The following CEP126 variants were observed in gnomAD, a reference collection of about 807,000 sequenced individuals.
CEP126 encodes centrosomal protein of 126 kDa.
CEP126 carries 74 observed loss-of-function variants against 107.8 expected under a neutral mutation model. The ratio of observed to expected loss-of-function variants is 0.69; its 90% CI spans 0.57 to 0.83. CEP126 has a LOEUF of 0.83. CEP126 is among the 40% of genes least tolerant of loss of function. CEP126 has a pLI of 0.00. For missense variants in CEP126, 1,237 were observed against 1,281.9 expected (o/e 0.96, Z 0.53); for synonymous variants, 449 against 446.0 (o/e 1.01, Z -0.08).
chr11:101,959,059 A>G (rs1248384594), intron 5 of CEP126, among the ~76,000 whole-genome samples: 2 of 152,230 alleles, frequency 1.3e-5, no homozygotes, highest in Admixed American at 6.5e-5. Context: ...TAGGCTTTCT[A>G]CGTAGTTATG....
intron 1 of CEP126, chr11:101,916,522 C>T (rs1012933571): frequency 3.3e-5 from 5 of 152,256 alleles, no homozygotes; most frequent in Non-Finnish European, 5.9e-5. Context: ...TTCCTCTCAT[C>T]TATTCATTAT....
Position 101,947,412 on chromosome 11 carries a change from G to A in CEP126, c.395-619G>A, listed in dbSNP as rs145458495. On this transcript the variant is annotated intron_variant, in intron 3 of 10. Transcript: ENST00000263468. The stretch of plus-strand genomic sequence containing the variant: ...AGAGAAGTAGGGTAAAATAGAGTAT[G>A]TTGAATACCAAAGTGCACAGTGGAA... Among the ~76,000 whole-genome samples, 666 of 152,188 alleles carry A rather than the reference G, an allele frequency of 4.4e-3. 5 individuals are homozygous for A. Among genetic ancestry groups the A allele is most frequent in the African/African-American group, 0.015 (641 of 41,540 alleles).
At chr11:101,986,056 C>T (rs1189158696) in intron 8 of CEP126, among the ~76,000 whole-genome samples, 1 of 145,110 alleles carries the variant, frequency 6.9e-6, no homozygotes, top group Non-Finnish European at 1.5e-5. Flanking sequence ...AATCTCAGCT[C>T]ACTGCAACCT....
intron 4 of CEP126, among the ~76,000 whole-genome samples, chr11:101,953,393 G>T (rs41518251): frequency 0.059 from 9,023 of 152,066 alleles, 489 homozygotes; most frequent in East Asian, 0.27. Flanking sequence ...TAGAGAAGGA[G>T]AAGATTTTGT....
intron 6 of CEP126, among the ~76,000 whole-genome samples, chr11:101,964,636 C>T (rs1565363049): frequency 1.5e-5 from 2 of 134,212 alleles, no homozygotes; most frequent in Non-Finnish European, 3.2e-5. Flanking sequence ...CAGACTCTAT[C>T]TAAAAAAAAA....
chr11:101,955,154 A>G (rs1221091377), intron 4 of CEP126, among the ~76,000 whole-genome samples: 1 of 152,200 alleles, frequency 6.6e-6, no homozygotes, highest in Non-Finnish European at 1.5e-5. Context: ...ATCAGAGAAT[A>G]TATTCTCATG....
Position 101,930,048 on chromosome 11 carries a change from A to G in CEP126, c.248+7288A>G, listed in dbSNP as rs187735264. On this transcript the variant is annotated intron_variant, in intron 2 of 10. Coordinates refer to ENST00000263468, the MANE Select transcript of CEP126 (RefSeq NM_020802.4). ...TTTTTTTCTGCTCCAAGTCTGGGAT[A>G]TACGAAACAAAAAGAAAACCCAGAG... is the stretch of plus-strand genomic sequence containing the variant. 1.9e-3 allele frequency among the ~76,000 whole-genome samples: 274 copies of G among 145,436 alleles called. 3 individuals are homozygous for G. Among genetic ancestry groups the G allele is most frequent in the Non-Finnish European group, 1.9e-3 (128 of 67,000 alleles).
chr11:101,993,151 T>C (rs11225098), intron 10 of CEP126, among the ~76,000 whole-genome samples: 8,898 of 152,244 alleles, frequency 0.058, 475 homozygotes, highest in East Asian at 0.26. Context: ...ATTATTTCAT[T>C]GCCCAGGTAA....
At chr11:101,935,708 A>G (rs1591273034) in intron 2 of CEP126, among the ~76,000 whole-genome samples, 1 of 152,204 alleles carries the variant, frequency 6.6e-6, no homozygotes, top group Middle Eastern at 3.4e-3. Flanking sequence ...TGACTTGATT[A>G]TTGTAGCATT....
intron 2 of CEP126, among the ~76,000 whole-genome samples, chr11:101,937,905 G>A (rs1169708582): frequency 6.6e-6 from 1 of 151,670 alleles, no homozygotes; most frequent in Non-Finnish European, 1.5e-5. Flanking sequence ...TGTAATCCCA[G>A]CACTTTGGGA....
Position 101,944,258 on chromosome 11 carries a change from A to C in CEP126, c.249-7A>C, listed in dbSNP as rs140387257. ...TTTCTGTTGCCTACTTTGTGTTTTAAATATAGAGCTTTTGAGGAGAAACGA... is the reference window on the plus strand; with the variant it reads ...TTTCTGTTGCCTACTTTGTGTTTTACATATAGAGCTTTTGAGGAGAAACGA... On this transcript the variant is annotated splice_region_variant and splice_polypyrimidine_tract_variant and intron_variant, in intron 2 of 10. Transcript: ENST00000263468. 1,652 of 1,560,540 alleles carry C rather than the reference A, an allele frequency of 1.1e-3. 17 individuals carry two copies. In the African/African-American group the frequency reaches 0.02, roughly 19 times the overall value.
chr11:101,916,287 A>G (rs1478742251), intron 1 of CEP126: 1 of 152,226 alleles, frequency 6.6e-6, no homozygotes, highest in African/African-American at 2.4e-5. Flanking sequence ...ACTCTGTTAC[A>G]ATTTTAGCAG....
intron 8 of CEP126, among the ~76,000 whole-genome samples, chr11:101,984,562 G>A (rs539477178): frequency 6.6e-6 from 1 of 152,238 alleles, no homozygotes; most frequent in Admixed American, 6.5e-5. Context: ...TGATGATAAT[G>A]GCATTGTTAA....
At position 101,998,845 on chromosome 11, in the gene CEP126, A is replaced by G. The variant is rs2137142012; in HGVS notation, c.*1202A>G. 1 of 152,216 alleles carries G rather than the reference A, an allele frequency of 6.6e-6. No individual in the cohort carries two copies. Among genetic ancestry groups the G allele is most frequent in the East Asian group, 1.9e-4 (1 of 5,170 alleles). 9.4% of individuals were successfully genotyped at this position (152,216 alleles called of 1,614,324 possible). ...TTTGTCTCCACTTTAGAGATGAGAA[A>G]CTGAGCCAAGGCCACATAGCTACCT... is the stretch of plus-strand genomic sequence containing the variant. On this transcript the variant is annotated 3_prime_UTR_variant, in exon 11 of 11. Transcript: ENST00000263468.
At chr11:101,948,238 C>A in intron 4 of CEP126, 96 bp downstream of exon 4, 1 of 621,644 alleles carries the variant, frequency 1.6e-6, no homozygotes. Context: ...TACTCCTCAT[C>A]TGTGTTTTAG....
chr11:101,957,358 G>T (rs748789642), intron 4 of CEP126, among the ~76,000 whole-genome samples: 17 of 152,100 alleles, frequency 1.1e-4, no homozygotes, highest in Admixed American at 2.0e-4. Flanking sequence ...CAGCTATATG[G>T]TAGTCTCATC....
At chr11:101,936,434 A>G (rs1371380692) in intron 2 of CEP126, among the ~76,000 whole-genome samples, 1 of 151,888 alleles carries the variant, frequency 6.6e-6, no homozygotes, top group African/African-American at 2.4e-5. Context: ...GAACTTGTTA[A>G]ATTTTCTCAT....
chr11:101,959,053 C>CT (rs1940937473), intron 5 of CEP126, among the ~76,000 whole-genome samples: 2 of 152,184 alleles, frequency 1.3e-5, no homozygotes, highest in Admixed American at 6.5e-5. Flanking sequence ...ATAACCTAGG[C>CT]TTTCTACGTA....
intron 2 of CEP126, among the ~76,000 whole-genome samples, chr11:101,942,594 T>A (rs1254576335): frequency 1.3e-5 from 2 of 150,868 alleles, no homozygotes; most frequent in African/African-American, 2.4e-5. Context: ...ATTTTGGCTA[T>A]TCAGGGTTCC....
Sources: gnomAD v4.1 joint callset for allele counts (sites outside exome capture counted in the v4.1 genomes callset) on GRCh38, gnomAD v4.1.1 for gene constraint, MANE v1.5 for transcripts, NCBI Gene and HGNC (gene_info 2026-07-23, HGNC 2026-07-21) for gene names.